Variants in EFCAB6 observed in about 807,000 individuals in gnomAD.
The protein encoded by EFCAB6 is EF-hand calcium binding domain 6.
A neutral mutation model predicts 169.8 loss-of-function variants in EFCAB6; 156 were observed. The observed-to-expected ratio is 0.92, with a 90% CI of 0.81 to 1.05. The LOEUF is 1.05. Among genes scored for constraint, EFCAB6 ranks in the 50% least tolerant of loss-of-function variants. The pLI, the probability that EFCAB6 is intolerant of heterozygous loss-of-function variation, is 0.00. For missense variants in EFCAB6, 1,800 were observed against 1,829.1 expected, an observed-to-expected ratio of 0.98 and a Z score of 0.29; for synonymous variants, 698 against 676.4, an observed-to-expected ratio of 1.03 and a Z score of -0.50.
rs765579839 is a variant in EFCAB6 at position 43,672,060 on chromosome 22, A to C, written c.1553T>G (p.Leu518Arg). Reference protein sequence around the residue: ...AFYNMLRSYDLGDTGRIGRNN... With the variant: ...AFYNMLRSYDRGDTGRIGRNN... ...TCGGCCAATGCGCCCTGTGTCTCCA[A>C]GGTCATATGAGCGTAGCATGTTATA... The change falls in exon 15 of 32, where the codon CTT becomes CGT. Residue 518 changes from leucine to arginine, a missense_variant. Leu to Arg is a moderately radical substitution (Grantham distance 102). Coordinates refer to ENST00000262726, the MANE Select transcript of EFCAB6 (RefSeq NM_022785.4). 1.9e-6 allele frequency: 3 copies of C among 1,614,218 alleles called. No individual in the cohort carries two copies. Among genetic ancestry groups the C allele is most frequent in the Non-Finnish European group, 2.5e-6 (3 of 1,180,028 alleles).
At chr22:43,741,095 C>A (rs2060353219) in intron 6 of EFCAB6, among the ~76,000 whole-genome samples, 1 of 152,058 alleles carries the variant, frequency 6.6e-6, no homozygotes, top group Non-Finnish European at 1.5e-5. Flanking sequence ...CCGTGGTGTC[C>A]AAGACTTGTC....
chr22:43,594,647 A>G lies in EFCAB6; in HGVS notation c.2877-4418T>C, dbSNP rs139660025. On this transcript the variant is annotated intron_variant, in intron 23 of 31. Transcript: ENST00000262726. Reference sequence around the variant, plus strand: ...ACCCAAATATGTAAAGCAAATGTTAATATATCTAAAAGGAGAGCTAGATTG... The same window carrying G: ...ACCCAAATATGTAAAGCAAATGTTAGTATATCTAAAAGGAGAGCTAGATTG... Among the ~76,000 whole-genome samples the G allele has an allele frequency of 3.5e-3, 531 of 152,378 alleles. 2 individuals carry two copies. Among genetic ancestry groups the G allele is most frequent in the African/African-American group, 0.012 (510 of 41,588 alleles).
chr22:43,603,730 C>T (rs1467104149), intron 22 of EFCAB6, among the ~76,000 whole-genome samples: 1 of 152,258 alleles, frequency 6.6e-6, no homozygotes, highest in Non-Finnish European at 1.5e-5. Flanking sequence ...CAGAGGCAGA[C>T]ACAGCACCTC....
intron 16 of EFCAB6, 47 bp downstream of exon 16, chr22:43,668,825 A>G: frequency 6.8e-7 from 1 of 1,479,922 alleles, no homozygotes; most frequent in Non-Finnish European, 9.0e-7. Context: ...CTATTCCATG[A>G]CAGACACTGT....
At chr22:43,591,654 C>G (rs1219794510) in intron 23 of EFCAB6, among the ~76,000 whole-genome samples, 1 of 152,036 alleles carries the variant, frequency 6.6e-6, no homozygotes, top group Non-Finnish European at 1.5e-5. Flanking sequence ...AGAATCAGGA[C>G]AAGACTGGAC....
At chr22:43,533,486 G>A (rs1267154773) in intron 30 of EFCAB6, 1 of 152,226 alleles carries the variant, frequency 6.6e-6, no homozygotes, top group Non-Finnish European at 1.5e-5. Context: ...TGGGATCAAG[G>A]CTACTGGTTC....
At chr22:43,542,080 G>A (rs535024996) in intron 27 of EFCAB6, among the ~76,000 whole-genome samples, 12 of 152,238 alleles carry the variant, frequency 7.9e-5, no homozygotes, top group Non-Finnish European at 1.5e-4. Context: ...GGGAGGACCC[G>A]GTAGGCTTGC....
At chr22:43,612,425 C>T (rs59167840) in intron 21 of EFCAB6, among the ~76,000 whole-genome samples, 3,012 of 152,074 alleles carry the variant, frequency 0.02, 102 homozygotes, top group African/African-American at 0.069. Context: ...AGCATCTATA[C>T]GGAACTTAAA....
At chr22:43,571,751 C>A (rs1291216927) in intron 26 of EFCAB6, among the ~76,000 whole-genome samples, 1 of 152,168 alleles carries the variant, frequency 6.6e-6, no homozygotes, top group Non-Finnish European at 1.5e-5. Flanking sequence ...ATAAACAGGA[C>A]AAAAGGAAAC....
intron 22 of EFCAB6, among the ~76,000 whole-genome samples, chr22:43,601,485 T>C (rs1206404521): frequency 6.6e-6 from 1 of 152,246 alleles, no homozygotes; most frequent in Non-Finnish European, 1.5e-5. Context: ...AATTCTCCCA[T>C]CAGGATGTTG....
At chr22:43,541,126 G>T (rs573929624) in intron 27 of EFCAB6, among the ~76,000 whole-genome samples, 1 of 152,314 alleles carries the variant, frequency 6.6e-6, no homozygotes, top group East Asian at 1.9e-4. Context: ...TGATGGAGAG[G>T]CAGCCTCCAG....
intron 9 of EFCAB6, among the ~76,000 whole-genome samples, chr22:43,712,314 A>G (rs1468495876): frequency 1.5e-5 from 2 of 132,338 alleles, no homozygotes; most frequent in East Asian, 2.3e-4. Flanking sequence ...AATATCTTCA[A>G]CCATCCCACT....
At chr22:43,631,953 C>T (rs952945763) in intron 19 of EFCAB6, 152 bp downstream of exon 19, 6 of 1,200,232 alleles carry the variant, frequency 5.0e-6, no homozygotes, top group Non-Finnish European at 6.8e-6. Context: ...ACATGCCTCT[C>T]CCTGACCAAT....
At chr22:43,673,761 T>C (rs1316241559) in intron 13 of EFCAB6, among the ~76,000 whole-genome samples, 4 of 151,552 alleles carry the variant, frequency 2.6e-5, no homozygotes, top group Non-Finnish European at 2.9e-5. Flanking sequence ...GCCTGAGCAA[T>C]AGAGTGAGAC....
Position 43,626,437 on chromosome 22 carries a change from G to A in EFCAB6, c.2465+10C>T. Reference sequence around the variant, plus strand: ...TATATTAAAGACACAGACCCGTGCTGCCTTCTTACCTAATGAGTCTTTGAG... The same window carrying A: ...TATATTAAAGACACAGACCCGTGCTACCTTCTTACCTAATGAGTCTTTGAG... On this transcript the variant is annotated intron_variant, in intron 20 of 31. Coordinates refer to ENST00000262726, the MANE Select transcript of EFCAB6 (RefSeq NM_022785.4). 1 of 1,613,194 alleles carries A rather than the reference G, an allele frequency of 6.2e-7. No individual in the cohort carries two copies.
chr22:43,625,274 C>A (rs576451057), intron 20 of EFCAB6, among the ~76,000 whole-genome samples: 74 of 152,146 alleles, frequency 4.9e-4, no homozygotes, highest in Non-Finnish European at 9.6e-4. Context: ...TGTCTAGAAC[C>A]CCTGGGGACC....
intron 26 of EFCAB6, among the ~76,000 whole-genome samples, chr22:43,556,711 A>C (rs1441545619): frequency 6.6e-6 from 1 of 152,212 alleles, no homozygotes; most frequent in Non-Finnish European, 1.5e-5. Context: ...CAAATACAGG[A>C]TGCTGCTGGG....
In EFCAB6 at chr22:43,615,509, C is replaced by T. The variant is rs533931897; in HGVS notation, c.2562+317G>A. Among the ~76,000 whole-genome samples the T allele has an allele frequency of 4.6e-5, 7 of 152,220 alleles. No homozygotes were observed. In the South Asian group the frequency reaches 8.3e-4, roughly 18 times the overall value. ...TGGTGCAAAAGTATTGCAGTTTTTC[C>T]GTTAAAGTAATGGCTAAAACTGCGA... On this transcript the variant is annotated intron_variant, in intron 21 of 31. Transcript: ENST00000262726.
At chr22:43,608,708 C>T (rs2053095524) in intron 21 of EFCAB6, 108 bp from the exon 22 acceptor site, 1 of 954,702 alleles carries the variant, frequency 1.0e-6, no homozygotes, top group African/African-American at 1.6e-5. Flanking sequence ...TCTGTATCCC[C>T]ATCCACCTCC....
Sources: allele counts gnomAD v4.1 joint callset (sites outside exome capture counted in the v4.1 genomes callset), GRCh38; gene constraint gnomAD v4.1.1; transcripts MANE v1.5; gene names NCBI Gene and HGNC (gene_info 2026-07-23, HGNC 2026-07-21).